CDH10: variants seen among roughly 807,000 people sequenced by gnomAD.
CDH10 encodes cadherin-10.
CDH10 carries 30 observed loss-of-function variants against 73.1 expected under a neutral mutation model. The ratio of observed to expected loss-of-function variants is 0.41; its 90% CI spans 0.31 to 0.56. CDH10 has a LOEUF of 0.56. Ranked by LOEUF, CDH10 falls within the 20% of genes least tolerant of loss-of-function variation. The pLI, the probability that CDH10 is intolerant of heterozygous loss-of-function variation, is 0.27. For synonymous variants in CDH10, 345 were observed against 348.2 expected, an observed-to-expected ratio of 0.99 and a Z score of 0.10; for missense variants, 815 against 973.7, an observed-to-expected ratio of 0.84 and a Z score of 2.17.
At chr5:24,512,021 C>T (rs1439654716) in intron 5 of CDH10, among the ~76,000 whole-genome samples, 1 of 152,002 alleles carries the variant, frequency 6.6e-6, no homozygotes, top group East Asian at 1.9e-4. Flanking sequence ...ATCAGAAAAA[C>T]AATAATTACT....
At chr5:24,579,797 T>G (rs10058419) in intron 2 of CDH10, among the ~76,000 whole-genome samples, 2,193 of 152,106 alleles carry the variant, frequency 0.014, 61 homozygotes, top group African/African-American at 0.05. Context: ...TTAATGAGGG[T>G]TTGCCCCTGA....
At chr5:24,508,375 A>G (rs1249469380) in intron 7 of CDH10, among the ~76,000 whole-genome samples, 1 of 152,184 alleles carries the variant, frequency 6.6e-6, no homozygotes, top group African/African-American at 2.4e-5. Context: ...CAAGAATTGA[A>G]AAGACTCATC....
chr5:24,541,581 G>A (rs1416330186), intron 2 of CDH10, among the ~76,000 whole-genome samples: 1 of 151,994 alleles, frequency 6.6e-6, no homozygotes, highest in Non-Finnish European at 1.5e-5. Flanking sequence ...AAAACTTAAA[G>A]CATCTACTTT....
At chr5:24,495,788 G>C (rs548249046) in intron 9 of CDH10, among the ~76,000 whole-genome samples, 85 of 151,176 alleles carry the variant, frequency 5.6e-4, no homozygotes, top group Non-Finnish European at 1.1e-3. Flanking sequence ...GGAGGCGGAG[G>C]TTGCAGTGAG....
chr5:24,610,571 C>T (rs1016749027), intron 1 of CDH10, among the ~76,000 whole-genome samples: 2 of 151,940 alleles, frequency 1.3e-5, no homozygotes, highest in East Asian at 1.9e-4. Context: ...ACTGCTCTAC[C>T]GAATGGAATT....
chr5:24,567,423 C>G (rs915050028), intron 2 of CDH10, among the ~76,000 whole-genome samples: 1 of 150,786 alleles, frequency 6.6e-6, no homozygotes, highest in Non-Finnish European at 1.5e-5. Context: ...GATACACAAA[C>G]TATGATATAC....
chr5:24,624,555 C>A (rs1271640387), intron 1 of CDH10, among the ~76,000 whole-genome samples: 1 of 152,062 alleles, frequency 6.6e-6, no homozygotes, highest in Non-Finnish European at 1.5e-5. Context: ...GTCTAAATGA[C>A]TTCATTTTGT....
chr5:24,595,342 A>G (rs1321849680), intron 1 of CDH10, among the ~76,000 whole-genome samples: 1 of 151,950 alleles, frequency 6.6e-6, no homozygotes, highest in African/African-American at 2.4e-5. Context: ...AAGATTTAAA[A>G]GTTAATATAA....
intron 5 of CDH10, among the ~76,000 whole-genome samples, chr5:24,521,185 C>T (rs6892558): frequency 0.48 from 73,589 of 151,974 alleles, 17,917 homozygotes; most frequent in East Asian, 0.58. Context: ...ATCAACAAAA[C>T]GGCTAATGTT....
chr5:24,599,622 C>T (rs1347735244), intron 1 of CDH10, among the ~76,000 whole-genome samples: 1 of 151,994 alleles, frequency 6.6e-6, no homozygotes, highest in Non-Finnish European at 1.5e-5. Context: ...TGCTGTTATA[C>T]CTGAAGGTGC....
At chr5:24,558,879 A>G (rs1266274006) in intron 2 of CDH10, among the ~76,000 whole-genome samples, 2 of 151,838 alleles carry the variant, frequency 1.3e-5, no homozygotes, top group Non-Finnish European at 3.0e-5. Context: ...TATATTAGTT[A>G]TTCAAATATT....
At chr5:24,637,479 T>C (rs1747902810) in intron 1 of CDH10, among the ~76,000 whole-genome samples, 1 of 151,932 alleles carries the variant, frequency 6.6e-6, no homozygotes, top group Non-Finnish European at 1.5e-5. Flanking sequence ...TTGTAAATTA[T>C]ATTACATTTA....
chr5:24,608,826 A>C (rs1746851036), intron 1 of CDH10, among the ~76,000 whole-genome samples: 1 of 152,216 alleles, frequency 6.6e-6, no homozygotes, highest in Non-Finnish European at 1.5e-5. Context: ...CGTCAGGGTG[A>C]AATAGATATC....
chr5:24,497,520 C>A (rs1742335271), intron 9 of CDH10, among the ~76,000 whole-genome samples: 1 of 152,106 alleles, frequency 6.6e-6, no homozygotes, highest in Admixed American at 6.5e-5. Context: ...AACAGACAGG[C>A]TATTGAATTC....
Position 24,644,880 on chromosome 5 carries a change from G to T in CDH10, c.-410C>A, listed in dbSNP as rs556881615. On this transcript the variant is annotated 5_prime_UTR_variant, in exon 1 of 12. Transcript: ENST00000264463. ...GGGGGAAAAAAGCTCTTCCTCACAC[G>T]GAGAGAAAGGTTCTGCTGATAGAGC... The T allele has an allele frequency of 4.6e-5, 7 of 151,776 alleles. No individual in the cohort carries two copies. In the East Asian group the frequency reaches 1.4e-3, roughly 30 times the overall value. 9.4% of individuals were successfully genotyped at this position (151,776 alleles called of 1,614,324 possible).
At chr5:24,612,288 T>C (rs757100973) in intron 1 of CDH10, 24 of 152,300 alleles carry the variant, frequency 1.6e-4, no homozygotes, top group Non-Finnish European at 2.9e-4. Flanking sequence ...AGTGGCCCAC[T>C]GGAAGTAAGA....
chr5:24,579,504 C>G (rs74334888), intron 2 of CDH10, among the ~76,000 whole-genome samples: 5,575 of 152,072 alleles, frequency 0.037, 242 homozygotes, highest in African/African-American at 0.094. Context: ...CACTTTTTCT[C>G]CCTGTATGCC....
chr5:24,600,186 C>A (rs1206955875), intron 1 of CDH10, among the ~76,000 whole-genome samples: 1 of 152,054 alleles, frequency 6.6e-6, no homozygotes, highest in African/African-American at 2.4e-5. Flanking sequence ...GGATCAATCC[C>A]AAAATATAGA....
chr5:24,528,081 C>G (rs978002428), intron 5 of CDH10, among the ~76,000 whole-genome samples: 1 of 151,746 alleles, frequency 6.6e-6, no homozygotes, highest in African/African-American at 2.4e-5. Context: ...CTTTGTAACT[C>G]CTTCAAACTA....
Sources: allele counts gnomAD v4.1 joint callset (sites outside exome capture counted in the v4.1 genomes callset), GRCh38; gene constraint gnomAD v4.1.1; transcripts MANE v1.5; gene names NCBI Gene and HGNC (gene_info 2026-07-23, HGNC 2026-07-21).